KLF5: variants seen among roughly 807,000 people sequenced by gnomAD.
The protein encoded by KLF5 is KLF transcription factor 5.
KLF5 carries 9 observed loss-of-function variants against 36.9 expected under a neutral mutation model. That is an observed-to-expected ratio of 0.24 (90% CI 0.15 to 0.43). The LOEUF (loss-of-function observed/expected upper bound fraction) is 0.43, where lower values mean the gene tolerates loss of function less well. Ranked by LOEUF, KLF5 falls within the 20% of genes least tolerant of loss-of-function variation. KLF5 has a pLI of 1.00. For missense variants in KLF5, 524 were observed against 599.5 expected (o/e 0.87, Z 1.31); for synonymous variants, 246 against 241.7 (o/e 1.02, Z -0.17).
chr13:73,058,149 T>C (rs2044595741), upstream of KLF5, among the ~76,000 whole-genome samples: 1 of 152,220 alleles, frequency 6.6e-6, no homozygotes, highest in Non-Finnish European at 1.5e-5. Flanking sequence ...TAATGTCTAT[T>C]TAAATACACG....
chr13:73,074,572 A>G (rs1490703745), intron 3 of KLF5, among the ~76,000 whole-genome samples: 1 of 150,356 alleles, frequency 6.7e-6, no homozygotes, highest in South Asian at 2.1e-4. Flanking sequence ...TTTGGCATTT[A>G]TTCCTACTGG....
At chr13:73,057,727 A>G (rs530165733), upstream of KLF5, among the ~76,000 whole-genome samples, 3 of 152,290 alleles carry the variant, frequency 2.0e-5, no homozygotes, top group East Asian at 5.8e-4. Flanking sequence ...AGGCTGTGGT[A>G]TATGTAAAAC....
At position 73,062,094 on chromosome 13, in the gene KLF5, T is replaced by C; in HGVS notation, c.495T>C (p.Pro165=). 1 of 1,614,128 alleles carries C rather than the reference T, an allele frequency of 6.2e-7. No homozygotes were observed. The highest frequency in any genetic ancestry group is 2.2e-5 in the East Asian group (1 of 44,882). The change falls in exon 2 of 4, where the codon CCT becomes CCC. Residue 165 remains proline, a synonymous_variant. Coordinates refer to ENST00000377687, the MANE Select transcript of KLF5 (RefSeq NM_001730.5). The stretch of plus-strand genomic sequence containing the variant: ...GCGTAACACACATCAAGACAGAACC[T>C]GTTGCCATTTTCAGCCACCAGAGTG... The part of the protein sequence containing the change: ...RPCVTHIKTE[P]VAIFSHQSET...
upstream of KLF5, among the ~76,000 whole-genome samples, chr13:73,056,332 C>T (rs886547509): frequency 6.6e-6 from 1 of 152,178 alleles, no homozygotes; most frequent in Non-Finnish European, 1.5e-5. Context: ...ACTGCCAGGC[C>T]ACTAATTGAT....
At chr13:73,061,489 GTACTC>G (rs1346043974) in intron 1 of KLF5, among the ~76,000 whole-genome samples, 1 of 152,172 alleles carries the variant, frequency 6.6e-6, no homozygotes, top group Admixed American at 6.5e-5. Context: ...TTTCAATACT[GTACTC>G]TAATTGCAAA....
intron 3 of KLF5, among the ~76,000 whole-genome samples, chr13:73,070,454 C>T (rs1023899548): frequency 4.6e-5 from 7 of 152,084 alleles, no homozygotes; most frequent in East Asian, 1.9e-4. Flanking sequence ...TATCAGGAGA[C>T]GGAAGAATTG....
chr13:73,075,857 G>A lies in KLF5; in HGVS notation c.1345G>A (p.Ala449Thr), dbSNP rs762114166. ...CAGCTTCTCGCGCTCTGACCACCTG[G>A]CCCTGCATATGAAGAGGCACCAGAA... is the stretch of plus-strand genomic sequence containing the variant. ...NRSFSRSDHL[A>T]LHMKRHQN The change falls in exon 4 of 4, where the codon GCC (alanine) becomes ACC (threonine). Residue 449 changes from alanine (A) to threonine (T), a missense_variant. Coordinates refer to ENST00000377687, the MANE Select transcript of KLF5 (RefSeq NM_001730.5). 6.9e-6 allele frequency: 11 copies of A among 1,605,738 alleles called. No individual in the cohort carries two copies. The South Asian group carries it at 1.1e-4, about 16-fold the overall frequency.
At chr13:73,055,505 A>G (rs982474338), upstream of KLF5, among the ~76,000 whole-genome samples, 4 of 152,300 alleles carry the variant, frequency 2.6e-5, no homozygotes, top group East Asian at 5.8e-4. Context: ...TTAAATTCCA[A>G]CTAATCTCAG....
chr13:73,059,554 C>G lies in KLF5; in HGVS notation c.227C>G (p.Thr76Ser). The G allele has an allele frequency of 8.5e-7, 1 of 1,170,308 alleles. No individual in the cohort carries two copies. Among genetic ancestry groups the G allele is most frequent in the Non-Finnish European group, 1.0e-6 (1 of 952,430 alleles). The allele number at this position is 1,170,308 out of a possible 1,614,324, so 72.5% of individuals were successfully genotyped here. The change falls in exon 1 of 4, where the codon ACC (threonine) becomes AGC (serine). Residue 76 changes from threonine (T) to serine (S), a missense_variant. Physicochemically the swap from Thr to Ser is moderately conservative, Grantham distance 58 (BLOSUM62 1). Transcript: ENST00000377687. ...CCGCAGCCGGCCCAGCCGCCCGCCACCGGCCCGCGGCTGCCTCCAGAGGAC... is the reference window on the plus strand; with the variant it reads ...CCGCAGCCGGCCCAGCCGCCCGCCAGCGGCCCGCGGCTGCCTCCAGAGGAC... ...QAPQPAQPPATGPRLPPEDLV... is the reference protein window; with the variant it reads ...QAPQPAQPPASGPRLPPEDLV...
In KLF5 at chr13:73,059,370, G is replaced by T. The variant is rs1282720066; in HGVS notation, c.43G>T (p.Val15Leu). The change falls in exon 1 of 4, where the codon GTG becomes TTG. Residue 15 changes from valine to leucine, a missense_variant. Physicochemically the swap from Val to Leu is conservative, Grantham distance 32 (BLOSUM62 1). Around this residue, in one of 4 missense-constraint regions of KLF5, gnomAD observed 454 missense variants for 458.1 expected, o/e 0.99. Transcript: ENST00000377687. ...GAGCATGAGCGCCCGCCTGGGACCCGTGCCCCAGCCGCCGGCGCCGCAGGA... is the reference window on the plus strand; with the variant it reads ...GAGCATGAGCGCCCGCCTGGGACCCTTGCCCCAGCCGCCGGCGCCGCAGGA... ...VLSMSARLGP[V>L]PQPPAPQDEP... is the part of the protein sequence containing the mutation. The T allele has an allele frequency of 2.1e-6, 3 of 1,416,494 alleles. No homozygotes were observed. Among genetic ancestry groups the T allele is most frequent in the Admixed American group, 5.5e-5 (2 of 36,260 alleles). 87.7% of individuals were successfully genotyped at this position (1,416,494 alleles called of 1,614,324 possible).
At chr13:73,069,786 C>T (rs1372803823) in intron 3 of KLF5, among the ~76,000 whole-genome samples, 3 of 152,156 alleles carry the variant, frequency 2.0e-5, no homozygotes, top group Non-Finnish European at 4.4e-5. Flanking sequence ...TTTGATTCAG[C>T]AAATATTTTT....
chr13:73,063,816 T>G lies in KLF5; in HGVS notation c.1136-8T>G. Reference sequence around the variant, plus strand: ...TCCAAAATGACATGCTGTTCTCCTTTATTTTAGGTTGCACAAAAGTTTATA... The same window carrying G: ...TCCAAAATGACATGCTGTTCTCCTTGATTTTAGGTTGCACAAAAGTTTATA... On this transcript the variant is annotated splice_polypyrimidine_tract_variant and splice_region_variant and intron_variant, in intron 2 of 3. Transcript: ENST00000377687. 1 of 1,589,306 alleles carries G rather than the reference T, an allele frequency of 6.3e-7. No homozygotes were observed. Among genetic ancestry groups the G allele is most frequent in the Non-Finnish European group, 8.6e-7 (1 of 1,157,866 alleles).
chr13:73,058,992 G>T (rs971797434), upstream of KLF5: 1 of 204,950 alleles, frequency 4.9e-6, no homozygotes, highest in Non-Finnish European at 9.8e-6. Context: ...AGAGGCGGGC[G>T]TCAAGTGTCA....
chr13:73,071,173 T>G (rs560956036), intron 3 of KLF5, among the ~76,000 whole-genome samples: 2 of 152,196 alleles, frequency 1.3e-5, no homozygotes, highest in Admixed American at 1.3e-4. Context: ...AACAGAAATT[T>G]CAGTGATGGG....
At chr13:73,065,068 TAA>T (rs1395454877) in intron 3 of KLF5, among the ~76,000 whole-genome samples, 2 of 152,204 alleles carry the variant, frequency 1.3e-5, no homozygotes, top group Non-Finnish European at 2.9e-5. Context: ...GTTCAGAGAA[TAA>T]GTTTGCTAAT....
At chr13:73,073,289 TG>T (rs140846152) in intron 3 of KLF5, among the ~76,000 whole-genome samples, 2 of 152,280 alleles carry the variant, frequency 1.3e-5, no homozygotes, top group South Asian at 2.1e-4. Flanking sequence ...CTGCCCCAAG[TG>T]GGGGGATAGT....
At chr13:73,061,426 AC>A (rs1555336801) in intron 1 of KLF5, among the ~76,000 whole-genome samples, 1 of 152,032 alleles carries the variant, frequency 6.6e-6, no homozygotes, top group Non-Finnish European at 1.5e-5. Context: ...ATTAAAAAAA[AC>A]CACGCTTTTT....
At chr13:73,062,815 G>A in intron 2 of KLF5, 81 bp downstream of exon 2, 2 of 1,206,444 alleles carry the variant, frequency 1.7e-6, no homozygotes, top group African/African-American at 1.6e-5. Context: ...GTGTGCGTGT[G>A]TGCACGCGCG....
Position 73,062,712 on chromosome 13 carries a change from C to T in KLF5, c.1113C>T (p.Arg371=). 1 of 1,613,952 alleles carries T rather than the reference C, an allele frequency of 6.2e-7. No homozygotes were observed. The highest frequency in any genetic ancestry group is 8.5e-7 in the Non-Finnish European group (1 of 1,179,914). Residue 371 remains arginine, a synonymous_variant, in exon 2 of 4, where the codon CGC becomes CGT. Coordinates refer to ENST00000377687, the MANE Select transcript of KLF5 (RefSeq NM_001730.5). ...RRSNPDLEKR[R]IHYCDYPGCT... Reference sequence around the variant, plus strand: ...GTAACCCCGATTTGGAGAAACGACGCATCCACTACTGCGATTACCCTGGTA... The same window carrying T: ...GTAACCCCGATTTGGAGAAACGACGTATCCACTACTGCGATTACCCTGGTA...
Sources: allele counts gnomAD v4.1 joint callset (sites outside exome capture counted in the v4.1 genomes callset), GRCh38; gene constraint gnomAD v4.1.1; regional missense constraint gnomAD v4.1.1; transcripts MANE v1.5; gene names NCBI Gene and HGNC (gene_info 2026-07-23, HGNC 2026-07-21).